Variants in RANBP2 observed in about 807,000 individuals in gnomAD.
RANBP2 encodes RAN binding protein 2, also known as E3 SUMO-protein ligase RanBP2.
Under a neutral mutation model 303.6 loss-of-function variants are expected in RANBP2, and 57 were observed. That is an observed-to-expected ratio of 0.19 (90% confidence interval 0.15 to 0.23). The LOEUF is 0.23. RANBP2 is among the 10% of genes least tolerant of loss of function. The probability of loss-of-function intolerance (pLI) is 1.00; values close to 1 mark genes in which losing one functional copy is unlikely to be tolerated. For missense variants in RANBP2, 3,138 were observed against 3,780.8 expected (o/e 0.83, Z 4.46); for synonymous variants, 1,167 against 1,301.5 (o/e 0.90, Z 2.23).
chr2:109,046,391 T>TTTTC, the RANBP2 span, among the ~76,000 whole-genome samples: 8 of 150,800 alleles, frequency 5.3e-5, no homozygotes, highest in Non-Finnish European at 1.0e-4. Flanking sequence ...AAACTTACTT[T>TTTTC]TTTTCTTTTC....
At chr2:109,161,862 A>G in the RANBP2 span, among the ~76,000 whole-genome samples, 3 of 151,764 alleles carry the variant, frequency 2.0e-5, no homozygotes, top group Admixed American at 6.6e-5. Flanking sequence ...TGGGGATCAC[A>G]TTTTAATACA....
chr2:108,831,858 G>A, the RANBP2 span, among the ~76,000 whole-genome samples: 85 of 142,276 alleles, frequency 6.0e-4, 1 homozygote, highest in South Asian at 0.017. Flanking sequence ...TCAGCCTCCC[G>A]AGTAGCTGGG....
At chr2:109,409,763 T>C in the RANBP2 span, among the ~76,000 whole-genome samples, 85,643 of 151,268 alleles carry the variant, frequency 0.57, 24,841 homozygotes, top group African/African-American at 0.66. Flanking sequence ...CTTTGCAGAA[T>C]CAAGCAGAAG....
the RANBP2 span, among the ~76,000 whole-genome samples, chr2:109,685,054 G>A: frequency 6.7e-6 from 1 of 149,436 alleles, no homozygotes; most frequent in South Asian, 2.1e-4. Context: ...TTGTATTTTT[G>A]TAGAGACAGG....
chr2:109,492,219 G>C, the RANBP2 span, among the ~76,000 whole-genome samples: 3 of 152,312 alleles, frequency 2.0e-5, no homozygotes, highest in Admixed American at 2.0e-4. Context: ...ATAGTCTTCT[G>C]ATTTCTTTTT....
the RANBP2 span, among the ~76,000 whole-genome samples, chr2:109,298,656 C>T: frequency 6.6e-6 from 1 of 152,118 alleles, no homozygotes; most frequent in Non-Finnish European, 1.5e-5. Context: ...CCGTTCCGTG[C>T]TCCCTCTGGC....
chr2:109,679,008 G>C, the RANBP2 span, among the ~76,000 whole-genome samples: 1 of 152,204 alleles, frequency 6.6e-6, no homozygotes, highest in Non-Finnish European at 1.5e-5. Flanking sequence ...AAGGCACCTC[G>C]AACACTGGAC....
At chr2:109,632,404 C>T in the RANBP2 span, among the ~76,000 whole-genome samples, 2 of 152,148 alleles carry the variant, frequency 1.3e-5, no homozygotes, top group Non-Finnish European at 2.9e-5. Context: ...TGAACTTTGC[C>T]CTCAATCTGT....
rs1677250250 is a variant in RANBP2, at chr2:108,768,261, T to G, written c.7722T>G (p.Pro2574=). Reference sequence around the variant, plus strand: ...GTGGATCTGAAAGCAAAGTGGAACCTAAAAAATGTGAACTGTCAAAGAACT... The same window carrying G: ...GTGGATCTGAAAGCAAAGTGGAACCGAAAAAATGTGAACTGTCAAAGAACT... ...AQSGSESKVE[P]KKCELSKNSD... The change falls in exon 20 of 29, where the codon CCT becomes CCG. Residue 2574 remains proline, a synonymous_variant. Transcript: ENST00000283195. 1 of 1,611,878 alleles carries G rather than the reference T, an allele frequency of 6.2e-7. No individual in the cohort carries two copies. The highest frequency in any genetic ancestry group is 1.7e-5 in the Admixed American group (1 of 60,000).
chr2:108,981,738 C>T, the RANBP2 span, among the ~76,000 whole-genome samples: 1 of 152,152 alleles, frequency 6.6e-6, no homozygotes, highest in Non-Finnish European at 1.5e-5. Flanking sequence ...CTGAACGAGC[C>T]CATGGAAACG....
chr2:109,024,583 T>A, the RANBP2 span, among the ~76,000 whole-genome samples: 1 of 152,198 alleles, frequency 6.6e-6, no homozygotes, highest in Non-Finnish European at 1.5e-5. Flanking sequence ...TGAAGACTGA[T>A]GCCTGAACCT....
At chr2:109,313,626 G>A in the RANBP2 span, 7 of 154,998 alleles carry the variant, frequency 4.5e-5, no homozygotes, top group East Asian at 1.3e-3. Flanking sequence ...CCAGCAGTGG[G>A]GCTCACTGCC....
At chr2:109,173,197 G>A in the RANBP2 span, among the ~76,000 whole-genome samples, 1 of 152,150 alleles carries the variant, frequency 6.6e-6, no homozygotes, top group African/African-American at 2.4e-5. Flanking sequence ...AACACAGACT[G>A]AGTCATGGTT....
the RANBP2 span, among the ~76,000 whole-genome samples, chr2:109,137,253 A>G: frequency 3.3e-5 from 5 of 152,126 alleles, no homozygotes; most frequent in African/African-American, 1.2e-4. Flanking sequence ...TTATTCTTCC[A>G]TAGTCTAGAT....
the RANBP2 span, among the ~76,000 whole-genome samples, chr2:109,266,982 T>C: frequency 6.6e-6 from 1 of 152,146 alleles, no homozygotes; most frequent in Non-Finnish European, 1.5e-5. Flanking sequence ...AATTTGCAAA[T>C]CTGTGTCTTT....
the RANBP2 span, among the ~76,000 whole-genome samples, chr2:108,951,231 G>C: frequency 6.6e-6 from 1 of 152,202 alleles, no homozygotes; most frequent in Non-Finnish European, 1.5e-5. Flanking sequence ...GTGTCTTGAA[G>C]GGTCTCAATA....
At chr2:109,027,661 G>A in the RANBP2 span, among the ~76,000 whole-genome samples, 1 of 152,030 alleles carries the variant, frequency 6.6e-6, no homozygotes, top group East Asian at 1.9e-4. Context: ...GAAGGAAGCA[G>A]TGCTGCGTAA....
At chr2:108,773,608 A>G (rs2149303696) in intron 23 of RANBP2, among the ~76,000 whole-genome samples, 1 of 152,114 alleles carries the variant, frequency 6.6e-6, no homozygotes, top group East Asian at 1.9e-4. Context: ...AAATTGATCT[A>G]TAGATTTAAC....
the RANBP2 span, among the ~76,000 whole-genome samples, chr2:109,315,976 G>T: frequency 1.3e-5 from 2 of 152,064 alleles, no homozygotes; most frequent in Non-Finnish European, 2.9e-5. Context: ...AAGTCTTTTT[G>T]GTCTGACTGT....
Sources: gnomAD v4.1 joint callset for allele counts (sites outside exome capture counted in the v4.1 genomes callset) on GRCh38, gnomAD v4.1.1 for gene constraint, MANE v1.5 for transcripts, NCBI Gene and HGNC (gene_info 2026-07-23, HGNC 2026-07-21) for gene names.